Variants in CPQ observed in about 807,000 individuals in gnomAD.
CPQ encodes Ser-Met dipeptidase.
Under a neutral mutation model 45.7 loss-of-function variants are expected in CPQ, and 37 were observed. That is an observed-to-expected ratio of 0.81 (90% confidence interval 0.62 to 1.07). The LOEUF is 1.07. CPQ is among the 50% of genes least tolerant of loss of function. The pLI, the probability that CPQ is intolerant of heterozygous loss-of-function variation, is 0.00. For missense variants in CPQ, 537 were observed against 572.9 expected, an observed-to-expected ratio of 0.94 and a Z score of 0.64; for synonymous variants, 186 against 205.8, an observed-to-expected ratio of 0.90 and a Z score of 0.82.
At chr8:96,813,615 G>A (rs987660779) in intron 2 of CPQ, among the ~76,000 whole-genome samples, 1 of 152,148 alleles carries the variant, frequency 6.6e-6, no homozygotes, top group Non-Finnish European at 1.5e-5. Flanking sequence ...AGCTGGACTT[G>A]CTTTCTTGAG....
intron 2 of CPQ, among the ~76,000 whole-genome samples, chr8:96,813,513 A>G (rs978928244): frequency 6.6e-6 from 1 of 152,142 alleles, no homozygotes; most frequent in South Asian, 2.1e-4. Flanking sequence ...GTGAGCTGAT[A>G]TATTAGATTT....
intron 5 of CPQ, among the ~76,000 whole-genome samples, chr8:96,980,174 C>A (rs948538361): frequency 6.6e-6 from 1 of 152,062 alleles, no homozygotes; most frequent in Non-Finnish European, 1.5e-5. Flanking sequence ...GCTCTGTTGC[C>A]CAGGCTGGAG....
chr8:96,801,262 C>T (rs115233561), intron 2 of CPQ, among the ~76,000 whole-genome samples: 1,890 of 152,216 alleles, frequency 0.012, 46 homozygotes, highest in African/African-American at 0.042. Context: ...AATGTGTGAG[C>T]CACCATGCTG....
In CPQ at chr8:96,951,673, G is replaced by A. The variant is rs138622348; in HGVS notation, c.850-14262G>A. 4.6e-5 allele frequency among the ~76,000 whole-genome samples: 7 copies of A among 152,054 alleles called. No homozygotes were observed. In the East Asian group the frequency reaches 1.4e-3, roughly 29 times the overall value. On this transcript the variant is annotated intron_variant, in intron 4 of 7. Transcript: ENST00000220763. ...ATAAGTTCATGCTGTTTTAACTTAG[G>A]TTCACCAAACAACATTTTTAGAATA... is the stretch of plus-strand genomic sequence containing the variant.
chr8:96,773,469 A>G (rs1283844477), intron 1 of CPQ, among the ~76,000 whole-genome samples: 1 of 152,176 alleles, frequency 6.6e-6, no homozygotes, highest in East Asian at 1.9e-4. Flanking sequence ...CTCCAAATGG[A>G]GAAAGGATTA....
chr8:97,019,345 C>G (rs1198672280), intron 5 of CPQ, among the ~76,000 whole-genome samples: 3 of 152,084 alleles, frequency 2.0e-5, no homozygotes, highest in Non-Finnish European at 4.4e-5. Context: ...ATACAGGCAA[C>G]AAATAGCATG....
chr8:97,082,464 C>A (rs190502221), intron 7 of CPQ, among the ~76,000 whole-genome samples: 1 of 152,250 alleles, frequency 6.6e-6, no homozygotes, highest in African/African-American at 2.4e-5. Context: ...AGCTTTGTTT[C>A]ATTGTTGAGA....
intron 6 of CPQ, among the ~76,000 whole-genome samples, chr8:97,054,860 G>T (rs1810425102): frequency 6.6e-6 from 1 of 152,210 alleles, no homozygotes; most frequent in Admixed American, 6.5e-5. Flanking sequence ...AAAATCCCAG[G>T]CTTCACTGCT....
At chr8:96,677,915 G>A (rs1809096936) in intron 1 of CPQ, among the ~76,000 whole-genome samples, 1 of 151,996 alleles carries the variant, frequency 6.6e-6, no homozygotes, top group South Asian at 2.1e-4. Context: ...AGCACCATTT[G>A]TTGAATAGGG....
chr8:96,746,198 G>C (rs1199625119), intron 1 of CPQ, among the ~76,000 whole-genome samples: 1 of 152,208 alleles, frequency 6.6e-6, no homozygotes, highest in African/African-American at 2.4e-5. Context: ...ATGTGTATAA[G>C]TGCAGTGTAA....
chr8:96,897,508 C>T (rs1027610424), intron 4 of CPQ, among the ~76,000 whole-genome samples: 1 of 152,124 alleles, frequency 6.6e-6, no homozygotes, highest in African/African-American at 2.4e-5. Context: ...CAACATGACT[C>T]CACAAGTGGA....
At chr8:97,100,693 A>G (rs1200660287) in intron 7 of CPQ, among the ~76,000 whole-genome samples, 1 of 152,080 alleles carries the variant, frequency 6.6e-6, no homozygotes, top group African/African-American at 2.4e-5. Flanking sequence ...GTAAACTTGA[A>G]GAGCTTTTTT....
At chr8:96,926,625 C>CTTCTTCTTCTTCTTCTCCTT (rs59043894) in intron 4 of CPQ, among the ~76,000 whole-genome samples, 1 of 58,446 alleles carries the variant, frequency 1.7e-5, no homozygotes, top group African/African-American at 6.3e-5. Flanking sequence ...TTCTTCTTCT[C>CTTCTTCTTCTTCTTCTCCTT]CTCCTTCTCC....
intron 4 of CPQ, among the ~76,000 whole-genome samples, chr8:96,913,341 C>T (rs1298598911): frequency 2.0e-5 from 3 of 152,204 alleles, no homozygotes; most frequent in African/African-American, 4.8e-5. Flanking sequence ...AACACATCAT[C>T]GCTGTGGTAC....
At chr8:96,806,417 C>T (rs143850698) in intron 2 of CPQ, among the ~76,000 whole-genome samples, 1 of 152,114 alleles carries the variant, frequency 6.6e-6, no homozygotes, top group Non-Finnish European at 1.5e-5. Flanking sequence ...TGATTCTAGG[C>T]TCACACCCTA....
chr8:96,766,321 T>G (rs1810466855), intron 1 of CPQ, among the ~76,000 whole-genome samples: 2 of 152,124 alleles, frequency 1.3e-5, no homozygotes, highest in Non-Finnish European at 2.9e-5. Context: ...TTTGGAGGGT[T>G]TTTAGTTGTC....
At chr8:97,078,065 T>C (rs1488626330) in intron 7 of CPQ, among the ~76,000 whole-genome samples, 2 of 152,238 alleles carry the variant, frequency 1.3e-5, no homozygotes, top group Non-Finnish European at 2.9e-5. Context: ...CATTATTAAC[T>C]GATGGATTTA....
intron 4 of CPQ, among the ~76,000 whole-genome samples, chr8:96,902,433 T>C (rs563556522): frequency 2.6e-5 from 4 of 152,212 alleles, no homozygotes; most frequent in Admixed American, 6.5e-5. Context: ...CATGCTCTTC[T>C]GAATATTACT....
chr8:96,802,460 A>G (rs1001536808), intron 2 of CPQ, among the ~76,000 whole-genome samples: 1 of 152,216 alleles, frequency 6.6e-6, no homozygotes, highest in African/African-American at 2.4e-5. Flanking sequence ...GGGAAAATGC[A>G]TCAGTAATAT....
Sources: allele counts gnomAD v4.1 joint callset (sites outside exome capture counted in the v4.1 genomes callset), GRCh38; gene constraint gnomAD v4.1.1; transcripts MANE v1.5; gene names NCBI Gene and HGNC (gene_info 2026-07-23, HGNC 2026-07-21).